The following ISM1 variants were observed in gnomAD, a reference collection of about 807,000 sequenced individuals.
ISM1 encodes the protein isthmin-1.
Under a neutral mutation model 46.3 loss-of-function variants are expected in ISM1, and 25 were observed. The observed-to-expected ratio is 0.54, with a 90% CI of 0.39 to 0.75. ISM1 has a LOEUF of 0.75. Among genes scored for constraint, ISM1 ranks in the 30% least tolerant of loss-of-function variants. The pLI, the probability that ISM1 is intolerant of heterozygous loss-of-function variation, is 0.00. For missense variants in ISM1, 536 were observed against 625.4 expected (o/e 0.86, Z 1.52); for synonymous variants, 255 against 256.7 (o/e 0.99, Z 0.06).
intron 1 of ISM1, among the ~76,000 whole-genome samples, chr20:13,231,463 T>A (rs1266666550): frequency 6.6e-6 from 1 of 152,138 alleles, no homozygotes; most frequent in Non-Finnish European, 1.5e-5. Context: ...CCATGGTCCT[T>A]TACTATCTTA....
intron 3 of ISM1, among the ~76,000 whole-genome samples, chr20:13,280,394 C>A (rs911643): frequency 9.5e-5 from 10 of 105,338 alleles, no homozygotes; most frequent in African/African-American, 2.8e-4. Flanking sequence ...CAAAGTAACC[C>A]CCCCCCCCCA....
intron 1 of ISM1, among the ~76,000 whole-genome samples, chr20:13,260,730 A>G (rs532182398): frequency 2.0e-5 from 3 of 152,198 alleles, no homozygotes; most frequent in East Asian, 1.9e-4. Context: ...CTACCTCACC[A>G]TGGTCATTTC....
chr20:13,262,799 T>A (rs373785030), intron 1 of ISM1, among the ~76,000 whole-genome samples: 33 of 152,276 alleles, frequency 2.2e-4, no homozygotes, highest in Non-Finnish European at 3.8e-4. Context: ...GGGTGGCCCC[T>A]CCACCTCAAA....
the ISM1 span, among the ~76,000 whole-genome samples, chr20:13,324,127 T>C: frequency 6.6e-6 from 1 of 152,206 alleles, no homozygotes. Flanking sequence ...GTACTATCCC[T>C]GGGACCTAGC....
intron 2 of ISM1, among the ~76,000 whole-genome samples, chr20:13,278,459 C>T (rs2123278179): frequency 6.6e-6 from 1 of 152,272 alleles, no homozygotes; most frequent in Admixed American, 6.5e-5. Flanking sequence ...CCCACCTGCA[C>T]CTGTGGTCTT....
intron 1 of ISM1, among the ~76,000 whole-genome samples, chr20:13,224,937 C>T (rs1461606549): frequency 6.6e-5 from 10 of 151,014 alleles, no homozygotes; most frequent in Non-Finnish European, 1.2e-4. Context: ...CCTCCACTTC[C>T]CGGGTTCATG....
At chr20:13,229,024 C>T (rs935103095) in intron 1 of ISM1, among the ~76,000 whole-genome samples, 34 of 152,108 alleles carry the variant, frequency 2.2e-4, no homozygotes, top group African/African-American at 8.2e-4. Flanking sequence ...TGCCCTCAGC[C>T]TTTTCTCCTA....
intron 1 of ISM1, among the ~76,000 whole-genome samples, chr20:13,230,336 C>T (rs1010275382): frequency 1.3e-5 from 2 of 152,076 alleles, no homozygotes; most frequent in African/African-American, 2.4e-5. Flanking sequence ...GGTGGCTGCT[C>T]TCTTTTCAAG....
At chr20:13,268,684 G>A (rs1957214893) in intron 1 of ISM1, among the ~76,000 whole-genome samples, 2 of 152,254 alleles carry the variant, frequency 1.3e-5, no homozygotes, top group African/African-American at 2.4e-5. Flanking sequence ...TGGCTTCTTC[G>A]AACATTCAGA....
intron 1 of ISM1, among the ~76,000 whole-genome samples, chr20:13,227,176 T>G (rs1333735127): frequency 6.6e-6 from 1 of 152,192 alleles, no homozygotes; most frequent in South Asian, 2.1e-4. Flanking sequence ...TTTCAAACTT[T>G]TTTTGACTTT....
chr20:13,314,891 G>A, the ISM1 span, among the ~76,000 whole-genome samples: 1 of 151,942 alleles, frequency 6.6e-6, no homozygotes, highest in Non-Finnish European at 1.5e-5. Flanking sequence ...ATAATACAAG[G>A]GATGAGATGG....
chr20:13,270,633 A>G lies in ISM1; in HGVS notation c.268A>G (p.Thr90Ala), dbSNP rs2040102504. 2.5e-6 allele frequency: 4 copies of G among 1,613,866 alleles called. No homozygotes were observed. Among genetic ancestry groups the G allele is most frequent in the African/African-American group, 1.3e-5 (1 of 74,922 alleles). The change falls in exon 2 of 6, where the codon ACG becomes GCG. Residue 90 changes from threonine to alanine, a missense_variant. This residue lies in a region of ISM1 where 367 missense variants were observed against 376.1 expected (regional missense o/e 0.98). Transcript: ENST00000262487. ...CCCCAGACCGCGATTCCGACAAGAG[A>G]CGGGGCACCCTTCATTGCAAAGAGA... ...PFPRPRFRQE[T>A]GHPSLQRDFP...
intron 1 of ISM1, among the ~76,000 whole-genome samples, chr20:13,249,611 A>G (rs149457501): frequency 0.013 from 1,941 of 152,316 alleles, 50 homozygotes; most frequent in African/African-American, 0.043. Flanking sequence ...TTTACACCAC[A>G]GTCATAAAGT....
intron 1 of ISM1, among the ~76,000 whole-genome samples, chr20:13,244,785 TGTGTAAAAGGGAAAG>T (rs943950949): frequency 4.6e-5 from 7 of 152,112 alleles, no homozygotes; most frequent in Admixed American, 2.0e-4. Context: ...GTGAGTAAAA[TGTGTAAAAGGGAAAG>T]GTGTGTTTCA....
intron 1 of ISM1, among the ~76,000 whole-genome samples, chr20:13,242,985 T>A (rs1325964183): frequency 1.3e-5 from 2 of 152,242 alleles, no homozygotes; most frequent in Non-Finnish European, 2.9e-5. Flanking sequence ...ATTATTGTTA[T>A]CCTCATTTTA....
At position 13,221,938 on chromosome 20, in the gene ISM1, C is replaced by G. The variant is rs752154932; in HGVS notation, c.138+24C>G. The G allele has an allele frequency of 1.1e-5, 15 of 1,315,712 alleles. No homozygotes were observed. The South Asian group carries it at 1.7e-4, about 15-fold the overall frequency. 81.5% of individuals were successfully genotyped at this position (1,315,712 alleles called of 1,614,324 possible). Reference sequence around the variant, plus strand: ...AGGTGAGTGCGCCGCCGGAGAGGGCCGTGCGCGGCTGCGGGGACGGTTTGT... The same window carrying G: ...AGGTGAGTGCGCCGCCGGAGAGGGCGGTGCGCGGCTGCGGGGACGGTTTGT... On this transcript the variant is annotated intron_variant, in intron 1 of 5. Coordinates refer to ENST00000262487, the MANE Select transcript of ISM1 (RefSeq NM_080826.2).
chr20:13,284,977 G>A (rs1260422220), intron 3 of ISM1, among the ~76,000 whole-genome samples: 1 of 152,184 alleles, frequency 6.6e-6, no homozygotes, highest in Non-Finnish European at 1.5e-5. Flanking sequence ...GTAATAGTTA[G>A]CTTTTGCTGC....
rs1426939086 is a variant in ISM1, at chr20:13,279,823, C to A, written c.568C>A (p.Leu190Ile). ...YDSTSDDSNF[L>I]NPPRGWDHTA... ...CAGTACCTCAGACGACAGCAACTTC[C>A]TCAACCCCCCCAGGGGGTGGGACCA... Residue 190 changes from leucine (L) to isoleucine (I), a missense_variant, in exon 3 of 6, where the codon CTC becomes ATC. Physicochemically the swap from Leu to Ile is conservative, Grantham distance 5. Coordinates refer to ENST00000262487, the MANE Select transcript of ISM1 (RefSeq NM_080826.2). 1.2e-6 allele frequency: 2 copies of A among 1,614,032 alleles called. No homozygotes were observed. Among genetic ancestry groups the A allele is most frequent in the South Asian group, 2.2e-5 (2 of 91,080 alleles).
At chr20:13,259,706 A>G (rs1489282230) in intron 1 of ISM1, among the ~76,000 whole-genome samples, 3 of 152,248 alleles carry the variant, frequency 2.0e-5, no homozygotes, top group South Asian at 2.1e-4. Context: ...AAACATTTCT[A>G]TATCTACAGA....
Sources: allele counts gnomAD v4.1 joint callset (sites outside exome capture counted in the v4.1 genomes callset), GRCh38; gene constraint gnomAD v4.1.1; regional missense constraint gnomAD v4.1.1; transcripts MANE v1.5; gene names NCBI Gene and HGNC (gene_info 2026-07-23, HGNC 2026-07-21).